The following CHODL variants were observed in gnomAD, a reference collection of about 807,000 sequenced individuals.
CHODL encodes the protein chondrolectin, also known as transmembrane protein MT75.
A neutral mutation model predicts 34.5 loss-of-function variants in CHODL; 29 were observed. The observed-to-expected ratio is 0.84, with a 90% confidence interval of 0.63 to 1.15. The LOEUF (loss-of-function observed/expected upper bound fraction) is 1.15, where lower values mean the gene tolerates loss of function less well. Ranked by LOEUF, CHODL falls within the 50% of genes most tolerant of loss-of-function variation. The pLI is 0.00. For missense variants in CHODL, 332 were observed against 332.5 expected (o/e 1.00, Z 0.01); for synonymous variants, 125 against 116.1 (o/e 1.08, Z -0.49).
chr21:18,129,892 C>CTGTG (rs150557806), intron 2 of CHODL, among the ~76,000 whole-genome samples: 2,057 of 140,666 alleles, frequency 0.015, 34 homozygotes, highest in African/African-American at 0.039. Flanking sequence ...CTGTCTTTCT[C>CTGTG]TGTGTGTGTG....
At chr21:17,994,538 G>A (rs1172537119) in intron 1 of CHODL, among the ~76,000 whole-genome samples, 1 of 152,128 alleles carries the variant, frequency 6.6e-6, no homozygotes, top group East Asian at 1.9e-4. Context: ...TGTGCCCACA[G>A]GCCTGTGGAT....
intron 2 of CHODL, among the ~76,000 whole-genome samples, chr21:18,182,717 T>C (rs1189037575): frequency 1.3e-5 from 2 of 152,240 alleles, no homozygotes; most frequent in South Asian, 4.1e-4. Context: ...ATCAGTTTTA[T>C]GTAAACTGAC....
rs866982635 is a variant in CHODL, at chr21:18,014,759, C to A, written c.-144-13113C>A. Among the ~76,000 whole-genome samples the A allele has an allele frequency of 2.0e-5, 3 of 152,222 alleles. No individual in the cohort carries two copies. In the Middle Eastern group the frequency reaches 9.5e-3, roughly 482 times the overall value. ...GCCATGAATAAAAGCTTCCTGAGGT[C>A]TCTTCAGAAGGCGAGCAGAGGCTAA... On this transcript the variant is annotated intron_variant, in intron 1 of 6. Coordinates refer to the CHODL transcript ENST00000400127.
chr21:18,063,912 C>G (rs1244850087), intron 2 of CHODL, among the ~76,000 whole-genome samples: 2 of 152,122 alleles, frequency 1.3e-5, no homozygotes, highest in Non-Finnish European at 2.9e-5. Flanking sequence ...TGCCTGCTTT[C>G]TACTCTGTTC....
chr21:18,138,273 C>T (rs973757830), intron 2 of CHODL, among the ~76,000 whole-genome samples: 4 of 151,486 alleles, frequency 2.6e-5, no homozygotes, highest in Admixed American at 2.6e-4. Flanking sequence ...CATATTTAAG[C>T]CAAAATTGGG....
At chr21:17,946,832 G>A (rs2063413595) in intron 1 of CHODL, among the ~76,000 whole-genome samples, 1 of 152,026 alleles carries the variant, frequency 6.6e-6, no homozygotes, top group Non-Finnish European at 1.5e-5. Flanking sequence ...ATATAGTTGG[G>A]TCTGATTATT....
chr21:18,241,530 A>G (rs1028847873), upstream of CHODL, among the ~76,000 whole-genome samples: 1 of 152,170 alleles, frequency 6.6e-6, no homozygotes, highest in Non-Finnish European at 1.5e-5. Context: ...TTCGATCTGG[A>G]GCGCAAATGA....
intron 5 of CHODL, among the ~76,000 whole-genome samples, chr21:18,264,852 A>G (rs2074432480): frequency 6.6e-6 from 1 of 152,092 alleles, no homozygotes; most frequent in African/African-American, 2.4e-5. Flanking sequence ...CATTGGTTTC[A>G]GAGACTGAGG....
At chr21:17,921,675 G>T (rs947635975) in intron 1 of CHODL, among the ~76,000 whole-genome samples, 14 of 152,184 alleles carry the variant, frequency 9.2e-5, no homozygotes, top group Non-Finnish European at 7.3e-5. Context: ...GGGACTTAGG[G>T]GTTGTTTATT....
At chr21:18,087,463 G>T (rs566190086) in intron 2 of CHODL, among the ~76,000 whole-genome samples, 1 of 152,152 alleles carries the variant, frequency 6.6e-6, no homozygotes, top group African/African-American at 2.4e-5. Context: ...AAGCAGGGGG[G>T]CACGAAGCTG....
intron 2 of CHODL, among the ~76,000 whole-genome samples, chr21:18,062,977 A>G (rs1171514336): frequency 4.6e-5 from 7 of 152,208 alleles, no homozygotes; most frequent in Non-Finnish European, 1.0e-4. Context: ...CTATCCTATG[A>G]TATATGAAAA....
At chr21:18,171,928 G>T (rs917120181) in intron 2 of CHODL, among the ~76,000 whole-genome samples, 1 of 152,100 alleles carries the variant, frequency 6.6e-6, no homozygotes, top group Non-Finnish European at 1.5e-5. Flanking sequence ...CTTTAAGAGT[G>T]TTGGTGCATA....
chr21:18,059,801 A>C (rs2064635565), intron 2 of CHODL, among the ~76,000 whole-genome samples: 1 of 152,260 alleles, frequency 6.6e-6, no homozygotes, highest in South Asian at 2.1e-4. Context: ...GAACAATGAG[A>C]ACAAACTCAG....
intron 4 of CHODL, among the ~76,000 whole-genome samples, chr21:18,261,991 C>G (rs1437405114): frequency 1.3e-4 from 19 of 151,742 alleles, no homozygotes; most frequent in Admixed American, 1.2e-3. Flanking sequence ...TAGGTAATTA[C>G]TTACCCAATA....
chr21:17,963,073 AAATAAT>A lies in CHODL; in HGVS notation c.-145+45691_-145+45696del, dbSNP rs10617165. On this transcript the variant is annotated intron_variant, in intron 1 of 6. Transcript: ENST00000400127. ...AGCGAGACTATGTCTCAAAAAAAAA[AAATAAT>A]AATAATAATAATAATAACTTCCTTC... Among the ~76,000 whole-genome samples the A allele has an allele frequency of 2.7e-3, 236 of 87,604 alleles. 1 individual carries two copies. Among genetic ancestry groups the A allele is most frequent in the South Asian group, 5.7e-3 (18 of 3,184 alleles). 57.5% of individuals were successfully genotyped at this position (87,604 alleles called of 152,430 possible). A position where few individuals can be genotyped will look rare whatever the true frequency, so the allele number is the denominator to read the frequency against.
chr21:18,090,824 A>G (rs1196998149), intron 2 of CHODL, among the ~76,000 whole-genome samples: 2 of 151,996 alleles, frequency 1.3e-5, no homozygotes, highest in African/African-American at 4.8e-5. Flanking sequence ...GTATGTCTCC[A>G]CTGATGGAAC....
chr21:18,233,660 G>A (rs2074002898), intron 2 of CHODL, among the ~76,000 whole-genome samples: 1 of 151,992 alleles, frequency 6.6e-6, no homozygotes, highest in South Asian at 2.1e-4. Flanking sequence ...AAACACCGGA[G>A]CCAATATTTG....
intron 2 of CHODL, among the ~76,000 whole-genome samples, chr21:18,098,353 A>C (rs2065166180): frequency 6.6e-6 from 1 of 151,990 alleles, no homozygotes; most frequent in African/African-American, 2.4e-5. Context: ...GGCCTCAATA[A>C]CTCTATAGGA....
At chr21:18,186,695 C>T (rs1379699977) in intron 2 of CHODL, among the ~76,000 whole-genome samples, 4 of 152,078 alleles carry the variant, frequency 2.6e-5, no homozygotes, top group South Asian at 2.1e-4. Context: ...TGAAAGCATT[C>T]GATTTGTTAT....
Sources: gnomAD v4.1 joint callset for allele counts (sites outside exome capture counted in the v4.1 genomes callset) on GRCh38, gnomAD v4.1.1 for gene constraint, MANE v1.5 for transcripts, NCBI Gene and HGNC (gene_info 2026-07-23, HGNC 2026-07-21) for gene names.